SASH1: variants seen among roughly 807,000 people sequenced by gnomAD.
SASH1 encodes the protein SAM and SH3 domain-containing protein 1.
In SASH1, 44 loss-of-function variants were observed where a neutral mutation model predicts 125.2. That is an observed-to-expected ratio of 0.35 (90% confidence interval 0.28 to 0.45). The LOEUF (loss-of-function observed/expected upper bound fraction) is 0.45, where lower values mean the gene tolerates loss of function less well. Among genes scored for constraint, SASH1 ranks in the 20% least tolerant of loss-of-function variants. The pLI, the probability that SASH1 is intolerant of heterozygous loss-of-function variation, is 1.00. For synonymous variants in SASH1, 639 were observed against 649.1 expected (o/e 0.98, Z 0.24); for missense variants, 1,426 against 1,614.5 (o/e 0.88, Z 2.00).
chr6:148,387,612 CT>C (rs1239547820), intron 1 of SASH1, among the ~76,000 whole-genome samples: 7 of 18,752 alleles, frequency 3.7e-4, no homozygotes, highest in African/African-American at 1.7e-3. Context: ...TTCTTTCTTT[CT>C]TTCTTTCTTT....
chr6:148,387,597 T>TTTC, intron 1 of SASH1, among the ~76,000 whole-genome samples: 1 of 13,692 alleles, frequency 7.3e-5, no homozygotes, highest in African/African-American at 4.2e-4. Context: ...TCTTTCTTTC[T>TTTC]TTCTTTCTTT....
intron 1 of SASH1, among the ~76,000 whole-genome samples, chr6:148,325,802 G>T (rs571802678): frequency 2.4e-4 from 36 of 152,204 alleles, no homozygotes; most frequent in African/African-American, 7.5e-4. Context: ...GCCCCTACAT[G>T]CTAGACAGGA....
intron 1 of SASH1, among the ~76,000 whole-genome samples, chr6:148,320,227 T>A (rs1240461082): frequency 1.3e-5 from 2 of 152,214 alleles, no homozygotes; most frequent in African/African-American, 4.8e-5. Flanking sequence ...CCCCTAAGGA[T>A]AAAGGGAGAA....
In SASH1 at chr6:148,533,040, C is replaced by T; in HGVS notation, c.1734+74C>T. 1 of 1,464,080 alleles carries T rather than the reference C, an allele frequency of 6.8e-7. No homozygotes were observed. The highest frequency in any genetic ancestry group is 9.5e-7 in the Non-Finnish European group (1 of 1,051,672). 90.7% of individuals were successfully genotyped at this position (1,464,080 alleles called of 1,614,324 possible). ...TCTAGGAGGCTTTCTTTCCTCCTCA[C>T]TGTTGAATGCTGGGCTACTATGGTA... On this transcript the variant is annotated intron_variant, in intron 14 of 19. Coordinates refer to ENST00000367467, the MANE Select transcript of SASH1 (RefSeq NM_015278.5). This position sits in a 1 kb window ranked among gnomAD's most constrained non-coding sequence, Gnocchi z 6.2.
chr6:148,266,653 T>C, the SASH1 span, among the ~76,000 whole-genome samples: 1 of 152,118 alleles, frequency 6.6e-6, no homozygotes, highest in East Asian at 1.9e-4. Context: ...TAGGCTAGAG[T>C]TCAGTGGCAT....
At chr6:148,298,643 A>G (rs868352477) in intron 1 of SASH1, among the ~76,000 whole-genome samples, 1 of 112,886 alleles carries the variant, frequency 8.9e-6, no homozygotes, top group Admixed American at 9.3e-5. Context: ...TGAAAGAAGG[A>G]AGGAAGGGAG....
At chr6:148,400,031 A>G (rs1263403576) in intron 2 of SASH1, among the ~76,000 whole-genome samples, 1 of 152,268 alleles carries the variant, frequency 6.6e-6, no homozygotes, top group Non-Finnish European at 1.5e-5. Flanking sequence ...GGCTATTTAA[A>G]AATGTTAATT....
Position 148,349,241 on chromosome 6 carries a change from CTTCTTTCTTTCTTTTTTTTTTTTTTTTT to C in SASH1, c.156+6021_156+6048del, listed in dbSNP as rs1781624792. Among the ~76,000 whole-genome samples the C allele has an allele frequency of 3.4e-5, 3 of 87,102 alleles. No homozygotes were observed. In the Admixed American group the frequency reaches 3.8e-4, roughly 11 times the overall value. 57.1% of individuals were successfully genotyped at this position (87,102 alleles called of 152,430 possible). A position where few individuals can be genotyped will look rare whatever the true frequency, so the allele number is the denominator to read the frequency against. On this transcript the variant is annotated intron_variant, in intron 1 of 19. Coordinates refer to ENST00000367467, the MANE Select transcript of SASH1 (RefSeq NM_015278.5). ...AAGTAACTTTTTTATTTCATTCTTT[CTTCTTTCTTTCTTTTTTTTTTTTTTTTT>C]TTTTTTTTTTTTGAGTGAGTCAAAC...
At chr6:148,356,744 A>G (rs1781962327) in intron 1 of SASH1, among the ~76,000 whole-genome samples, 1 of 152,090 alleles carries the variant, frequency 6.6e-6, no homozygotes, top group African/African-American at 2.4e-5. Flanking sequence ...GTGAGCCACC[A>G]CGCCTGGCCT....
chr6:148,274,679 G>T (rs543186523), intron 1 of SASH1, among the ~76,000 whole-genome samples: 10 of 152,306 alleles, frequency 6.6e-5, no homozygotes, highest in Admixed American at 1.3e-4. Context: ...GTTCAGACAA[G>T]CTTCCTTTGT....
At chr6:148,438,779 T>C (rs1435515828) in intron 2 of SASH1, among the ~76,000 whole-genome samples, 1 of 93,956 alleles carries the variant, frequency 1.1e-5, no homozygotes, top group Non-Finnish European at 2.1e-5. Context: ...CCACGTAACA[T>C]AAAATTCACA....
chr6:148,301,628 G>A (rs1779947951), intron 1 of SASH1, among the ~76,000 whole-genome samples: 1 of 151,704 alleles, frequency 6.6e-6, no homozygotes, highest in South Asian at 2.1e-4. Context: ...GCCCAGGCTG[G>A]AGTGCAGTGT....
At chr6:148,468,447 T>C in intron 4 of SASH1, 98 bp from the exon 5 acceptor site, 1 of 849,600 alleles carries the variant, frequency 1.2e-6, no homozygotes. Context: ...CTGGCTGTAT[T>C]AAGTAGTATT....
intron 1 of SASH1, among the ~76,000 whole-genome samples, chr6:148,373,472 T>A (rs1782774276): frequency 6.6e-6 from 1 of 151,994 alleles, no homozygotes. Flanking sequence ...TGTAGGGGTG[T>A]ATAGTTGTGA....
At chr6:148,360,347 G>GT (rs1191557477) in intron 1 of SASH1, among the ~76,000 whole-genome samples, 4,275 of 125,638 alleles carry the variant, frequency 0.034, 146 homozygotes, top group Non-Finnish European at 0.048. Flanking sequence ...TAATGCCTTT[G>GT]TTTTTTTTTT....
At chr6:148,450,251 C>T (rs1363074456) in intron 4 of SASH1, among the ~76,000 whole-genome samples, 2 of 152,160 alleles carry the variant, frequency 1.3e-5, no homozygotes, top group Non-Finnish European at 2.9e-5. Flanking sequence ...GCTCAGCTCT[C>T]CCCAGTGACA....
chr6:148,533,177 G>A lies in SASH1; in HGVS notation c.1734+211G>A, dbSNP rs1781626473. 6.6e-6 allele frequency among the ~76,000 whole-genome samples: 1 copy of A among 152,050 alleles called. No individual in the cohort carries two copies. Among genetic ancestry groups the A allele is most frequent in the African/African-American group, 2.4e-5 (1 of 41,390 alleles). On this transcript the variant is annotated intron_variant, in intron 14 of 19. Transcript: ENST00000367467. This position sits in a 1 kb window ranked among gnomAD's most constrained non-coding sequence, Gnocchi z 6.2. ...AGGGAGGGTCTCGTGTTAATCCCTG[G>A]GTTAGCATCACTTCACCCCTCTGAC...
chr6:148,381,343 A>C (rs1783123163), intron 1 of SASH1, among the ~76,000 whole-genome samples: 1 of 152,198 alleles, frequency 6.6e-6, no homozygotes, highest in Non-Finnish European at 1.5e-5. Flanking sequence ...AGCAGGCTGC[A>C]CTGGGCCTGT....
At chr6:148,281,782 G>C (rs1023161600) in intron 1 of SASH1, among the ~76,000 whole-genome samples, 2 of 152,068 alleles carry the variant, frequency 1.3e-5, no homozygotes, top group African/African-American at 4.8e-5. Context: ...AATTAGTCGG[G>C]CGTGGTGGCA....
Sources: gnomAD v4.1 joint callset for allele counts (sites outside exome capture counted in the v4.1 genomes callset) on GRCh38, gnomAD v4.1.1 for gene constraint, Gnocchi (gnomAD v3.1) non-coding constraint, MANE v1.5 for transcripts, NCBI Gene and HGNC (gene_info 2026-07-23, HGNC 2026-07-21) for gene names.